Variants in MOK observed in about 807,000 individuals in gnomAD.
The protein encoded by MOK is MOK protein kinase.
A neutral mutation model predicts 54.2 loss-of-function variants in MOK; 59 were observed. That is an observed-to-expected ratio of 1.09 (90% confidence interval 0.88 to 1.35). The LOEUF is 1.35. Among genes scored for constraint, MOK ranks in the 40% most tolerant of loss-of-function variants. The pLI is 0.00. For synonymous variants in MOK, 210 were observed against 202.7 expected, an observed-to-expected ratio of 1.04 and a Z score of -0.31; for missense variants, 517 against 526.2, an observed-to-expected ratio of 0.98 and a Z score of 0.17.
chr14:102,254,603 C>T (rs1229675088), intron 4 of MOK, among the ~76,000 whole-genome samples: 1 of 152,156 alleles, frequency 6.6e-6, no homozygotes, highest in Non-Finnish European at 1.5e-5. Context: ...ACCAATTCCT[C>T]TCCACCAAAA....
chr14:102,250,124 T>C (rs114717032), intron 7 of MOK, among the ~76,000 whole-genome samples: 2 of 152,192 alleles, frequency 1.3e-5, no homozygotes, highest in Non-Finnish European at 2.9e-5. Context: ...AAGGAGAGTA[T>C]GTCCTGAAGT....
chr14:102,226,951 C>T (rs1175821393), downstream of MOK, among the ~76,000 whole-genome samples: 4 of 152,074 alleles, frequency 2.6e-5, no homozygotes, highest in East Asian at 5.8e-4. The surrounding 1 kb of genome is among the most constrained non-coding windows in gnomAD (Gnocchi z 4.8). Flanking sequence ...CGTTTACGCC[C>T]GAGTCTAACT....
chr14:102,221,988 A>G (rs1032476068), downstream of MOK, among the ~76,000 whole-genome samples: 7 of 152,222 alleles, frequency 4.6e-5, no homozygotes, highest in African/African-American at 1.2e-4. The surrounding 1 kb of genome is among the most constrained non-coding windows in gnomAD (Gnocchi z 4.8). Flanking sequence ...TCAATAGTAA[A>G]TGCAAAGAAA....
At chr14:102,269,846 T>C (rs10133613) in intron 2 of MOK, among the ~76,000 whole-genome samples, 42,901 of 151,982 alleles carry the variant, frequency 0.28, 7,324 homozygotes, top group African/African-American at 0.49. Context: ...TTTTAACACC[T>C]TACTCCCATA....
chr14:102,293,701 C>CAAAAAAAAAAAAAAAAAAAAAAAAAAAA (rs10598736), intron 1 of MOK, among the ~76,000 whole-genome samples: 28 of 54,594 alleles, frequency 5.1e-4, no homozygotes, highest in South Asian at 7.5e-4. Flanking sequence ...AACTCCATCA[C>CAAAAAAAAAAAAAAAAAAAAAAAAAAAA]AAAAAAAAAA....
chr14:102,250,295 C>G (rs990223868), intron 7 of MOK, among the ~76,000 whole-genome samples: 2 of 152,096 alleles, frequency 1.3e-5, no homozygotes, highest in Non-Finnish European at 2.9e-5. Context: ...CCATTCACCT[C>G]GGAGTGGGAC....
chr14:102,273,013 T>C (rs1241848272), intron 2 of MOK, among the ~76,000 whole-genome samples: 2 of 151,930 alleles, frequency 1.3e-5, no homozygotes, highest in Non-Finnish European at 2.9e-5. Context: ...CTACTTAAAA[T>C]ACAAAAATTC....
Position 102,231,445 on chromosome 14 carries a change from TC to T in MOK, c.981+261del. 2.5e-6 allele frequency: 1 copy of T among 396,994 alleles called. No individual in the cohort carries two copies. Among genetic ancestry groups the T allele is most frequent in the Non-Finnish European group, 4.6e-6 (1 of 219,106 alleles). The allele number at this position is 396,994 out of a possible 1,614,324, so 24.6% of individuals were successfully genotyped here. A position where few individuals can be genotyped will look rare whatever the true frequency, so the allele number is the denominator to read the frequency against. On this transcript the variant is annotated intron_variant, in intron 10 of 11. Transcript: ENST00000361847. The surrounding 1 kb of genome is among the most constrained non-coding windows in gnomAD (Gnocchi z 4.4). ...ACAGACACAAAAGTTCATGCAAACA[TC>T]CCCTCTCTGGGCCTGCTCACATGGG...
At chr14:102,284,200 C>A (rs1298649812) in intron 1 of MOK, among the ~76,000 whole-genome samples, 1 of 151,928 alleles carries the variant, frequency 6.6e-6, no homozygotes, top group Non-Finnish European at 1.5e-5. Context: ...CCTGACCAAA[C>A]CCTGACTGAC....
At chr14:102,262,285 A>G (rs1240602807) in intron 4 of MOK, among the ~76,000 whole-genome samples, 1 of 152,190 alleles carries the variant, frequency 6.6e-6, no homozygotes. Context: ...AGGTGGGACT[A>G]CAGGCATACA....
chr14:102,228,072 C>T (rs1409724311), downstream of MOK, among the ~76,000 whole-genome samples: 5 of 152,248 alleles, frequency 3.3e-5, no homozygotes, highest in Non-Finnish European at 5.9e-5. Flanking sequence ...GCCAGTGCCA[C>T]GGTTTCTTTG....
intron 7 of MOK, among the ~76,000 whole-genome samples, chr14:102,244,333 A>G (rs1387793744): frequency 6.6e-6 from 1 of 152,136 alleles, no homozygotes. Flanking sequence ...CTTCCCACAC[A>G]AGGCAAATAG....
intron 1 of MOK, among the ~76,000 whole-genome samples, chr14:102,303,022 G>C (rs982808651): frequency 6.6e-6 from 1 of 151,804 alleles, no homozygotes; most frequent in African/African-American, 2.4e-5. Context: ...TTAGCTGGGC[G>C]TGGTGGTGCA....
chr14:102,229,610 C>T lies in MOK; in HGVS notation c.1029G>A (p.Pro343=), dbSNP rs777333181. The change falls in exon 11 of 12, where the codon CCG becomes CCA. Residue 343 remains proline, a synonymous_variant. Coordinates refer to ENST00000361847, the MANE Select transcript of MOK (RefSeq NM_014226.3). ...GTTTGGGCAGTTCCATGACATAGGC[C>T]GGTCCTCGTCTCTTGGGACGGTCCT... ...QEEDRPKRRG[P]AYVMELPKLK... is the part of the protein sequence containing the mutation. 1.6e-5 allele frequency: 26 copies of T among 1,613,988 alleles called. No homozygotes were observed. The highest frequency in any genetic ancestry group is 3.3e-5 in the South Asian group (3 of 91,078).
chr14:102,303,674 A>C (rs2072482455), intron 1 of MOK, among the ~76,000 whole-genome samples: 1 of 152,234 alleles, frequency 6.6e-6, no homozygotes, highest in Non-Finnish European at 1.5e-5. Flanking sequence ...ATGATGTAGG[A>C]GAATGTCCTT....
At chr14:102,246,568 C>A (rs2066109067) in intron 7 of MOK, among the ~76,000 whole-genome samples, 1 of 152,150 alleles carries the variant, frequency 6.6e-6, no homozygotes, top group Non-Finnish European at 1.5e-5. Context: ...CTCTCCACAA[C>A]ATACAATGCA....
chr14:102,224,449 C>T (rs2064162556), downstream of MOK: 2 of 391,974 alleles, frequency 5.1e-6, no homozygotes, highest in African/African-American at 2.1e-5. Flanking sequence ...TGTGCAGCTA[C>T]CAAGCAGAAG....
downstream of MOK, among the ~76,000 whole-genome samples, chr14:102,224,240 C>G (rs2064157274): frequency 6.6e-6 from 1 of 151,940 alleles, no homozygotes; most frequent in African/African-American, 2.4e-5. Context: ...TGGGGTTTCA[C>G]CATGTTAGCC....
chr14:102,227,931 AT>A (rs1413267437), downstream of MOK, among the ~76,000 whole-genome samples: 2 of 152,212 alleles, frequency 1.3e-5, no homozygotes, highest in African/African-American at 4.8e-5. Context: ...AGCCTGGGAA[AT>A]TTAGCCTTTT....
Sources: gnomAD v4.1 joint callset for allele counts (sites outside exome capture counted in the v4.1 genomes callset) on GRCh38, gnomAD v4.1.1 for gene constraint, Gnocchi (gnomAD v3.1) non-coding constraint, MANE v1.5 for transcripts, NCBI Gene and HGNC (gene_info 2026-07-23, HGNC 2026-07-21) for gene names.